Variants in FSTL1 observed in about 807,000 individuals in gnomAD.
The protein encoded by FSTL1 is follistatin like 1, also known as follistatin-related protein 1.
In FSTL1, 24 loss-of-function variants were observed where a neutral mutation model predicts 45.9. The ratio of observed to expected loss-of-function variants is 0.52; its 90% CI spans 0.38 to 0.74. FSTL1 has a LOEUF of 0.74. Among genes scored for constraint, FSTL1 ranks in the 30% least tolerant of loss-of-function variants. The pLI is 0.00. For missense variants in FSTL1, 340 were observed against 381.8 expected (o/e 0.89, Z 0.91); for synonymous variants, 120 against 137.6 (o/e 0.87, Z 0.89).
At position 120,402,874 on chromosome 3, in the gene FSTL1, C is replaced by T. The variant is rs754750214; in HGVS notation, c.739G>A (p.Glu247Lys). ...DETYADGAET[E>K]VDCNRCVCAC... Reference sequence around the variant, plus strand: ...CAGACACAGCGGTTACAGTCCACCTCGGTCTCAGCTCCATCTGCATACGTT... The same window carrying T: ...CAGACACAGCGGTTACAGTCCACCTTGGTCTCAGCTCCATCTGCATACGTT... Residue 247 changes from glutamate to lysine, a missense_variant, in exon 9 of 11, where the codon GAG becomes AAG. Coordinates refer to ENST00000295633, the MANE Select transcript of FSTL1 (RefSeq NM_007085.5). 22 of 1,613,530 alleles carry T rather than the reference C, an allele frequency of 1.4e-5. 1 individual carries two copies. In the East Asian group the frequency reaches 2.0e-4, roughly 15 times the overall value.
chr3:120,449,665 G>A (rs1202320531), intron 2 of FSTL1, among the ~76,000 whole-genome samples: 4 of 152,154 alleles, frequency 2.6e-5, no homozygotes, highest in East Asian at 1.9e-4. Flanking sequence ...AAATTGTGAA[G>A]ACCTTGTATG....
intron 2 of FSTL1, among the ~76,000 whole-genome samples, chr3:120,445,729 T>C (rs1002645831): frequency 1.3e-5 from 2 of 149,748 alleles, no homozygotes; most frequent in Non-Finnish European, 2.9e-5. Flanking sequence ...TATGTAGTTA[T>C]AATAATATAA....
chr3:120,437,579 T>C (rs547575964), intron 2 of FSTL1, among the ~76,000 whole-genome samples: 1 of 152,304 alleles, frequency 6.6e-6, no homozygotes, highest in South Asian at 2.1e-4. Flanking sequence ...TGTGTGTGTG[T>C]GTGCATGTCT....
In FSTL1 at chr3:120,403,343, A is replaced by C. The variant is rs1936865390; in HGVS notation, c.593T>G (p.Val198Gly). 6.3e-7 allele frequency: 1 copy of C among 1,595,222 alleles called. No homozygotes were observed. The highest frequency in any genetic ancestry group is 1.3e-5 in the African/African-American group (1 of 74,586). Residue 198 changes from valine (V) to glycine (G), a missense_variant, in exon 8 of 11, where the codon GTT (valine) becomes GGT (glycine). Val to Gly is a moderately radical substitution (Grantham distance 109). Transcript: ENST00000295633. ...ATCAGACAGTTCAATGAGAGCATCA[A>C]CACAGAGTCCCCTGAAACAAAACAC... ...ENNKLLRGLC[V>G]DALIELSDEN...
At chr3:120,426,074 G>A (rs1937374213) in intron 2 of FSTL1, among the ~76,000 whole-genome samples, 1 of 152,114 alleles carries the variant, frequency 6.6e-6, no homozygotes, top group African/African-American at 2.4e-5. Flanking sequence ...AAGTATGTCT[G>A]GGGCTGCCAG....
chr3:120,411,649 C>T, intron 4 of FSTL1, among the ~76,000 whole-genome samples: 1 of 152,236 alleles, frequency 6.6e-6, no homozygotes, highest in Non-Finnish European at 1.5e-5. Context: ...ATAGCAAACC[C>T]TGGGCAGAGG....
At chr3:120,401,831 C>T (rs1936833166) in intron 9 of FSTL1, among the ~76,000 whole-genome samples, 2 of 152,184 alleles carry the variant, frequency 1.3e-5, no homozygotes, top group Non-Finnish European at 2.9e-5. Flanking sequence ...TTTGGCCTCC[C>T]CAAGTGTTGG....
chr3:120,435,653 A>C (rs1223045681), intron 2 of FSTL1, among the ~76,000 whole-genome samples: 3 of 152,248 alleles, frequency 2.0e-5, no homozygotes, highest in Non-Finnish European at 4.4e-5. Flanking sequence ...ACTTCAGCCT[A>C]GGCAGAGAAA....
At position 120,409,687 on chromosome 3, in the gene FSTL1, C is replaced by T; in HGVS notation, c.332-25G>A. ...ACTGCAGGAAAGTGGAGGATGTCAG[C>T]TGGAGCAGTCAGGGGAGGACCCCAG... On this transcript the variant is annotated intron_variant, in intron 5 of 10. Transcript: ENST00000295633. 1.9e-6 allele frequency: 3 copies of T among 1,612,500 alleles called. No individual in the cohort carries two copies. In the South Asian group the frequency reaches 3.3e-5, roughly 18 times the overall value.
intron 2 of FSTL1, among the ~76,000 whole-genome samples, chr3:120,422,376 A>G (rs1240810802): frequency 1.3e-5 from 2 of 152,214 alleles, no homozygotes; most frequent in Non-Finnish European, 2.9e-5. Context: ...ATGTAGAGGT[A>G]GTGAATATGT....
At chr3:120,425,454 A>G (rs1277105041) in intron 2 of FSTL1, among the ~76,000 whole-genome samples, 1 of 152,096 alleles carries the variant, frequency 6.6e-6, no homozygotes. Context: ...GTCCTGTGTA[A>G]GAAGAATTAA....
intron 10 of FSTL1, among the ~76,000 whole-genome samples, chr3:120,398,638 T>C (rs1936755468): frequency 6.6e-6 from 1 of 152,218 alleles, no homozygotes. Context: ...TTCCTTCTCT[T>C]TCTGGACTCA....
chr3:120,411,157 T>C (rs1937043414), intron 4 of FSTL1, 173 bp from the exon 5 acceptor site: 1 of 554,052 alleles, frequency 1.8e-6, no homozygotes, highest in Non-Finnish European at 3.3e-6. Context: ...GGTATGAGGA[T>C]CTTCTGTCTC....
chr3:120,393,592 C>G lies in FSTL1; in HGVS notation c.*3360G>C, dbSNP rs919937999. ...CCTTCTCACAGGCTACTGCAGTCAG[C>G]CTCACTGGATGCCATTTAGTCTCCT... On this transcript the variant is annotated 3_prime_UTR_variant, in exon 11 of 11. Transcript: ENST00000295633. The G allele has an allele frequency of 3.9e-5, 6 of 152,222 alleles. No individual in the cohort carries two copies. Among genetic ancestry groups the G allele is most frequent in the Non-Finnish European group, 8.8e-5 (6 of 68,052 alleles). The allele number at this position is 152,222 out of a possible 1,614,324, so 9.4% of individuals were successfully genotyped here. A position where few individuals can be genotyped will look rare whatever the true frequency, so the allele number is the denominator to read the frequency against.
At chr3:120,418,508 T>C (rs368969827) in intron 2 of FSTL1, among the ~76,000 whole-genome samples, 2 of 152,236 alleles carry the variant, frequency 1.3e-5, no homozygotes, top group Non-Finnish European at 2.9e-5. Flanking sequence ...GAGGCTTAAA[T>C]AACTAGAAAG....
intron 8 of FSTL1, 144 bp from the exon 9 acceptor site, chr3:120,403,062 T>C: frequency 1.4e-6 from 1 of 720,070 alleles, no homozygotes; most frequent in South Asian, 1.6e-5. Flanking sequence ...AACACTACCA[T>C]CAACCTAAAG....
chr3:120,435,934 T>C (rs1348793357), intron 2 of FSTL1, among the ~76,000 whole-genome samples: 2 of 152,100 alleles, frequency 1.3e-5, no homozygotes, highest in African/African-American at 2.4e-5. Flanking sequence ...TTTGATCAAA[T>C]GTGTATGGGG....
At chr3:120,410,790 T>G (rs1434828650) in intron 5 of FSTL1, 162 bp downstream of exon 5, 1 of 734,418 alleles carries the variant, frequency 1.4e-6, no homozygotes. Flanking sequence ...AAATGTAGTT[T>G]TGCAGCTTTT....
intron 2 of FSTL1, among the ~76,000 whole-genome samples, chr3:120,417,570 C>T (rs1259292): frequency 0.6 from 90,636 of 152,080 alleles, 29,079 homozygotes; most frequent in Middle Eastern, 0.73. Flanking sequence ...CCCAGAAGTC[C>T]GCGGGGATTG....
Sources: gnomAD v4.1 joint callset for allele counts (sites outside exome capture counted in the v4.1 genomes callset) on GRCh38, gnomAD v4.1.1 for gene constraint, MANE v1.5 for transcripts, NCBI Gene and HGNC (gene_info 2026-07-23, HGNC 2026-07-21) for gene names.